Variants in ELOVL6 observed in about 807,000 individuals in gnomAD.
ELOVL6 encodes the protein ELOVL fatty acid elongase 6.
Under a neutral mutation model 31.7 loss-of-function variants are expected in ELOVL6, and 8 were observed. The observed-to-expected ratio is 0.25, with a 90% confidence interval of 0.15 to 0.45. The LOEUF (loss-of-function observed/expected upper bound fraction) is 0.45. ELOVL6 is among the 20% of genes least tolerant of loss of function. ELOVL6 has a pLI of 1.00. For missense variants in ELOVL6, 126 were observed against 326.4 expected (o/e 0.39, Z 4.73); for synonymous variants, 101 against 117.7 (o/e 0.86, Z 0.92).
chr4:110,127,527 T>C (rs1009142278), intron 1 of ELOVL6, among the ~76,000 whole-genome samples: 1 of 152,068 alleles, frequency 6.6e-6, no homozygotes, highest in Non-Finnish European at 1.5e-5. Flanking sequence ...CTTTTTTAAA[T>C]GTAAAACTGA....
At chr4:110,081,107 G>A (rs1207338035) in intron 2 of ELOVL6, among the ~76,000 whole-genome samples, 4 of 152,062 alleles carry the variant, frequency 2.6e-5, no homozygotes, top group African/African-American at 9.7e-5. Context: ...ACAGACAAAT[G>A]GAAGAACATT....
intron 1 of ELOVL6, among the ~76,000 whole-genome samples, chr4:110,132,935 G>A (rs1438828829): frequency 6.6e-6 from 1 of 152,132 alleles, no homozygotes; most frequent in Non-Finnish European, 1.5e-5. Flanking sequence ...TCTACAGGGT[G>A]TGGGACATAG....
chr4:110,053,607 C>T (rs1754892705), intron 3 of ELOVL6, among the ~76,000 whole-genome samples: 1 of 152,124 alleles, frequency 6.6e-6, no homozygotes, highest in Admixed American at 6.5e-5. Context: ...GAGTTCGAGA[C>T]CAGCCTGGCC....
At chr4:110,066,105 T>G (rs1755291598) in intron 2 of ELOVL6, among the ~76,000 whole-genome samples, 1 of 152,130 alleles carries the variant, frequency 6.6e-6, no homozygotes, top group Non-Finnish European at 1.5e-5. Context: ...GGAAAGGAGT[T>G]GTCAAAAAAC....
In ELOVL6 at chr4:110,048,186, C is replaced by G. The variant is rs930468532; in HGVS notation, c.*3152G>C. The G allele has an allele frequency of 6.6e-6, 1 of 152,128 alleles. No individual in the cohort carries two copies. Among genetic ancestry groups the G allele is most frequent in the African/African-American group, 2.4e-5 (1 of 41,436 alleles). The allele number at this position is 152,128 out of a possible 1,614,324, so 9.4% of individuals were successfully genotyped here. On this transcript the variant is annotated 3_prime_UTR_variant, in exon 4 of 4. Coordinates refer to ENST00000302274, the MANE Select transcript of ELOVL6 (RefSeq NM_024090.3). The stretch of plus-strand genomic sequence containing the variant: ...TTAGAAGGATGGGAGTAAGTGACTT[C>G]GAATAACCACCTCAATCCATGGTTT...
chr4:110,187,261 C>A (rs1759478058), intron 1 of ELOVL6, among the ~76,000 whole-genome samples: 1 of 151,812 alleles, frequency 6.6e-6, no homozygotes, highest in Non-Finnish European at 1.5e-5. Flanking sequence ...CCTTTGACCT[C>A]TTAATTGTCC....
intron 1 of ELOVL6, among the ~76,000 whole-genome samples, chr4:110,189,482 A>G (rs1184333724): frequency 6.6e-6 from 1 of 150,772 alleles, no homozygotes; most frequent in Non-Finnish European, 1.5e-5. Context: ...AGCTACTCAG[A>G]AGGCTGAGGC....
intron 2 of ELOVL6, among the ~76,000 whole-genome samples, chr4:110,083,374 A>G (rs1412844984): frequency 6.6e-6 from 1 of 151,718 alleles, no homozygotes; most frequent in Non-Finnish European, 1.5e-5. Context: ...AGGCTGGCCA[A>G]GACCTAGAGA....
chr4:110,160,141 T>C (rs761394180), intron 1 of ELOVL6, among the ~76,000 whole-genome samples: 3 of 151,812 alleles, frequency 2.0e-5, no homozygotes, highest in Non-Finnish European at 4.4e-5. Context: ...CAAACACTAT[T>C]GGATGTCTTT....
intron 1 of ELOVL6, among the ~76,000 whole-genome samples, chr4:110,190,769 C>T (rs535890688): frequency 1.5e-4 from 23 of 150,066 alleles, no homozygotes; most frequent in Admixed American, 4.0e-4. Context: ...CCTCCCACAG[C>T]GCTGGGATTA....
chr4:110,182,190 A>T (rs1420324798), intron 1 of ELOVL6, among the ~76,000 whole-genome samples: 1 of 152,190 alleles, frequency 6.6e-6, no homozygotes, highest in Non-Finnish European at 1.5e-5. Context: ...TTGTAATTCT[A>T]AAGTTAAATT....
rs1560805300 is a variant in ELOVL6, at chr4:110,069,173, G to GATAATAAT, written c.222-9420_222-9419insATTATTAT. Among the ~76,000 whole-genome samples the GATAATAAT allele has an allele frequency of 5.6e-3, 577 of 102,848 alleles. 7 individuals carry two copies. The highest frequency in any genetic ancestry group is 0.019 in the African/African-American group (519 of 27,298). 67.5% of individuals were successfully genotyped at this position (102,848 alleles called of 152,430 possible). A position where few individuals can be genotyped will look rare whatever the true frequency, so the allele number is the denominator to read the frequency against. On this transcript the variant is annotated intron_variant, in intron 2 of 3. Transcript: ENST00000302274. ...ATAATAATAATAATAATAATAATAG[G>GATAATAAT]GACACTTGGTACCATAATGGATGTC... is the stretch of plus-strand genomic sequence containing the variant.
chr4:110,135,830 A>C, intron 1 of ELOVL6, among the ~76,000 whole-genome samples: 1 of 152,210 alleles, frequency 6.6e-6, no homozygotes, highest in East Asian at 1.9e-4. Flanking sequence ...GGGTCAAAAT[A>C]AAAAATTCTA....
chr4:110,154,053 T>C (rs1404393314), intron 1 of ELOVL6, among the ~76,000 whole-genome samples: 1 of 152,116 alleles, frequency 6.6e-6, no homozygotes, highest in African/African-American at 2.4e-5. Flanking sequence ...TACCAGGCTT[T>C]TTGTCCATCA....
chr4:110,092,612 T>C (rs1308394864), intron 2 of ELOVL6, among the ~76,000 whole-genome samples: 1 of 152,200 alleles, frequency 6.6e-6, no homozygotes, highest in Non-Finnish European at 1.5e-5. Flanking sequence ...AAAAGTCTAG[T>C]ATTTTTCCAT....
intron 1 of ELOVL6, among the ~76,000 whole-genome samples, chr4:110,121,020 C>T (rs770321684): frequency 9.2e-5 from 14 of 151,898 alleles, no homozygotes; most frequent in Admixed American, 2.0e-4. Flanking sequence ...AGGCTGGTCT[C>T]GAACTCCTGA....
At chr4:110,156,325 G>C (rs1009469957) in intron 1 of ELOVL6, among the ~76,000 whole-genome samples, 3 of 152,066 alleles carry the variant, frequency 2.0e-5, no homozygotes, top group African/African-American at 7.2e-5. Context: ...GATAATGAAA[G>C]GTAAGGGCTT....
chr4:110,157,133 AAGG>A (rs1469346192), intron 1 of ELOVL6, among the ~76,000 whole-genome samples: 1 of 152,214 alleles, frequency 6.6e-6, no homozygotes, highest in East Asian at 1.9e-4. Flanking sequence ...GGCCAAGAAG[AAGG>A]AGGAGGGAAA....
chr4:110,096,832 A>G (rs1207104978), intron 2 of ELOVL6, among the ~76,000 whole-genome samples: 1 of 152,188 alleles, frequency 6.6e-6, no homozygotes, highest in Non-Finnish European at 1.5e-5. Flanking sequence ...AACAAAATTG[A>G]TATTAATATA....
Sources: allele counts gnomAD v4.1 joint callset (sites outside exome capture counted in the v4.1 genomes callset), GRCh38; gene constraint gnomAD v4.1.1; transcripts MANE v1.5; gene names NCBI Gene and HGNC (gene_info 2026-07-23, HGNC 2026-07-21).